The following FYN variants were observed in gnomAD, a reference collection of about 807,000 sequenced individuals.
FYN encodes the protein tyrosine-protein kinase Fyn.
In FYN, 10 loss-of-function variants were observed where a neutral mutation model predicts 70.2. The ratio of observed to expected loss-of-function variants is 0.14; its 90% CI spans 0.09 to 0.24. FYN has a LOEUF of 0.24. FYN is among the 10% of genes least tolerant of loss of function. The pLI, the probability that FYN is intolerant of heterozygous loss-of-function variation, is 1.00. For missense variants in FYN, 319 were observed against 673.1 expected, an observed-to-expected ratio of 0.47 and a Z score of 5.82; for synonymous variants, 236 against 248.6, an observed-to-expected ratio of 0.95 and a Z score of 0.48.
intron 13 of FYN, among the ~76,000 whole-genome samples, chr6:111,664,288 C>G (rs534292231): frequency 1.4e-4 from 21 of 152,194 alleles, no homozygotes; most frequent in African/African-American, 5.1e-4. Context: ...AAGGGCCTGA[C>G]AGATCCTTCT....
At chr6:111,716,766 T>C (rs1044634365) in intron 4 of FYN, among the ~76,000 whole-genome samples, 14 of 151,570 alleles carry the variant, frequency 9.2e-5, no homozygotes, top group African/African-American at 3.4e-4. Context: ...GAGATATCTA[T>C]ATGATCAAGA....
chr6:111,806,068 G>A (rs1772138108), intron 2 of FYN, among the ~76,000 whole-genome samples: 1 of 152,190 alleles, frequency 6.6e-6, no homozygotes, highest in Admixed American at 6.5e-5. Context: ...GGGTTTACGT[G>A]TAGACTGGTC....
intron 1 of FYN, among the ~76,000 whole-genome samples, chr6:111,863,038 C>T (rs1279791539): frequency 6.6e-6 from 1 of 152,232 alleles, no homozygotes; most frequent in Non-Finnish European, 1.5e-5. Flanking sequence ...ACAGAAGGCA[C>T]TGAAGGCCAG....
chr6:111,714,357 A>C lies in FYN; in HGVS notation c.334T>G (p.Leu112Val). Reference sequence around the variant, plus strand: ...CCTCTCCAAACTTACGAGCTGTTCAATATTTGAAATTTTTCTCCTTTGTGA... The same window carrying C: ...CCTCTCCAAACTTACGAGCTGTTCACTATTTGAAATTTTTCTCCTTTGTGA... Reference protein sequence around the residue: ...SFHKGEKFQILNSSEGDWWEA... With the variant: ...SFHKGEKFQIVNSSEGDWWEA... The change falls in exon 5 of 14, where the codon TTG (leucine) becomes GTG (valine). Residue 112 changes from leucine (L) to valine (V), a missense_variant. Around this residue, in one of 4 missense-constraint regions of FYN, gnomAD observed 128 missense variants for 183.9 expected, o/e 0.70. Coordinates refer to ENST00000354650, the MANE Select transcript of FYN (RefSeq NM_002037.5). 1.2e-6 allele frequency: 2 copies of C among 1,612,424 alleles called. No homozygotes were observed. The highest frequency in any genetic ancestry group is 1.7e-6 in the Non-Finnish European group (2 of 1,178,480).
At chr6:111,700,008 C>T in intron 9 of FYN, 96 bp downstream of exon 9, 1 of 1,095,406 alleles carries the variant, frequency 9.1e-7, no homozygotes, top group Non-Finnish European at 1.3e-6. Flanking sequence ...AAACTTTCTT[C>T]CCGGTCACGC....
At chr6:111,866,498 C>T (rs1774110124) in intron 1 of FYN, among the ~76,000 whole-genome samples, 1 of 152,228 alleles carries the variant, frequency 6.6e-6, no homozygotes, top group South Asian at 2.1e-4. Context: ...TGTGCCACCA[C>T]ACCGGGCTAA....
intron 2 of FYN, among the ~76,000 whole-genome samples, chr6:111,835,793 CA>C (rs1247660977): frequency 6.9e-6 from 1 of 143,956 alleles, no homozygotes; most frequent in Non-Finnish European, 1.5e-5. Flanking sequence ...CTAACAAAGG[CA>C]AAAAGGAAAA....
chr6:111,857,231 C>T (rs1438151510), intron 1 of FYN, among the ~76,000 whole-genome samples: 1 of 152,176 alleles, frequency 6.6e-6, no homozygotes, highest in African/African-American at 2.4e-5. Flanking sequence ...TGAAGGATCA[C>T]ACACAGTAAA....
chr6:111,798,981 C>A (rs577149880), intron 2 of FYN, among the ~76,000 whole-genome samples: 2 of 152,256 alleles, frequency 1.3e-5, no homozygotes, highest in African/African-American at 4.8e-5. Flanking sequence ...GAAATGAACA[C>A]CCATGTTTCC....
intron 2 of FYN, among the ~76,000 whole-genome samples, chr6:111,803,349 T>C (rs1319947720): frequency 1.3e-5 from 2 of 152,196 alleles, no homozygotes; most frequent in Admixed American, 6.5e-5. Flanking sequence ...GGCTTGACTG[T>C]GGAAGTAAGG....
intron 2 of FYN, among the ~76,000 whole-genome samples, chr6:111,844,420 G>T (rs752809273): frequency 1.2e-4 from 18 of 152,154 alleles, no homozygotes; most frequent in Non-Finnish European, 2.4e-4. Context: ...CTTCTGGATA[G>T]GTAAACACAG....
chr6:111,792,030 T>C (rs1434855284), intron 2 of FYN, among the ~76,000 whole-genome samples: 2 of 145,912 alleles, frequency 1.4e-5, no homozygotes, highest in Admixed American at 6.7e-5. Flanking sequence ...AAGGAAAATA[T>C]AATTTGGACT....
At chr6:111,840,182 T>C (rs780480002) in intron 2 of FYN, among the ~76,000 whole-genome samples, 8 of 152,158 alleles carry the variant, frequency 5.3e-5, no homozygotes, top group Admixed American at 2.0e-4. Flanking sequence ...CAAATTGAGG[T>C]ATGTTAGGCA....
chr6:111,671,458 G>T (rs1284940594), intron 13 of FYN, among the ~76,000 whole-genome samples: 1 of 152,126 alleles, frequency 6.6e-6, no homozygotes, highest in Non-Finnish European at 1.5e-5. Context: ...CCAGGCAAAG[G>T]AGCTTTCTTA....
At chr6:111,728,380 T>G (rs752219469) in intron 3 of FYN, among the ~76,000 whole-genome samples, 1 of 152,198 alleles carries the variant, frequency 6.6e-6, no homozygotes, top group Non-Finnish European at 1.5e-5. Flanking sequence ...AAATTCACCC[T>G]CTTGAAGCAC....
At chr6:111,831,655 G>A (rs1011893302) in intron 2 of FYN, among the ~76,000 whole-genome samples, 23 of 152,128 alleles carry the variant, frequency 1.5e-4, no homozygotes, top group African/African-American at 5.3e-4. Flanking sequence ...ATAAATAAAT[G>A]TTGCACTTTC....
chr6:111,727,959 C>T (rs187651355), intron 3 of FYN, among the ~76,000 whole-genome samples: 1 of 151,990 alleles, frequency 6.6e-6, no homozygotes, highest in Non-Finnish European at 1.5e-5. Flanking sequence ...TTCTCGAGCC[C>T]GAAGACTCAA....
At chr6:111,674,383 C>T (rs181693633) in intron 13 of FYN, 116 bp downstream of exon 13, 253 of 1,195,934 alleles carry the variant, frequency 2.1e-4, no homozygotes, top group East Asian at 1.2e-3. Flanking sequence ...TCTTCAAACT[C>T]AAGCTCAGCA....
At chr6:111,701,530 T>C (rs1470070462) in intron 8 of FYN, among the ~76,000 whole-genome samples, 3 of 152,198 alleles carry the variant, frequency 2.0e-5, no homozygotes. Flanking sequence ...GGAAAGCCAA[T>C]ATAAAAACAA....
Sources: gnomAD v4.1 joint callset for allele counts (sites outside exome capture counted in the v4.1 genomes callset) on GRCh38, gnomAD v4.1.1 for gene constraint, gnomAD v4.1.1 regional missense constraint, MANE v1.5 for transcripts, NCBI Gene and HGNC (gene_info 2026-07-23, HGNC 2026-07-21) for gene names.